TRAPPC9: variants seen among roughly 807,000 people sequenced by gnomAD.
TRAPPC9 encodes the protein trafficking protein particle complex subunit 9.
A neutral mutation model predicts 124.0 loss-of-function variants in TRAPPC9; 83 were observed. That is an observed-to-expected ratio of 0.67 (90% CI 0.56 to 0.80). The LOEUF (loss-of-function observed/expected upper bound fraction) is 0.80, where lower values mean the gene tolerates loss of function less well. Ranked by LOEUF, TRAPPC9 falls within the 30% of genes least tolerant of loss-of-function variation. The pLI is 0.00. For missense variants in TRAPPC9, 1,302 were observed against 1,508.3 expected, an observed-to-expected ratio of 0.86 and a Z score of 2.27; for synonymous variants, 638 against 617.5, an observed-to-expected ratio of 1.03 and a Z score of -0.49.
Position 140,401,679 on chromosome 8 carries a change from A to G in TRAPPC9, c.1008+3898T>C, listed in dbSNP as rs188024942. ...TGCTCTGTTGCCCAGGCTGGAGTGC[A>G]GTTGCTTGATCACAGCTCATCGTAG... On this transcript the variant is annotated intron_variant, in intron 6 of 22. Coordinates refer to ENST00000438773, the MANE Select transcript of TRAPPC9 (RefSeq NM_001160372.4). Among the ~76,000 whole-genome samples the G allele has an allele frequency of 3.1e-3, 465 of 152,200 alleles. 2 individuals are homozygous for G. Among genetic ancestry groups the G allele is most frequent in the African/African-American group, 0.011 (441 of 41,506 alleles).
At chr8:140,336,404 G>A (rs575271556) in intron 9 of TRAPPC9, among the ~76,000 whole-genome samples, 28 of 152,264 alleles carry the variant, frequency 1.8e-4, no homozygotes, top group African/African-American at 6.5e-4. Context: ...CAGCTGATGT[G>A]AACAGGGAGG....
chr8:140,442,759 A>G (rs2071067599), intron 2 of TRAPPC9, among the ~76,000 whole-genome samples: 1 of 152,074 alleles, frequency 6.6e-6, no homozygotes, highest in African/African-American at 2.4e-5. Flanking sequence ...CTGCTCAACA[A>G]CAACAGTTTG....
intron 7 of TRAPPC9, among the ~76,000 whole-genome samples, chr8:140,385,352 A>T (rs2068726827): frequency 6.6e-6 from 1 of 152,130 alleles, no homozygotes; most frequent in Non-Finnish European, 1.5e-5. Flanking sequence ...AGACACAAAA[A>T]ACCTTTAAAA....
At chr8:140,351,447 G>C (rs1052311004) in intron 9 of TRAPPC9, among the ~76,000 whole-genome samples, 1 of 151,744 alleles carries the variant, frequency 6.6e-6, no homozygotes, top group Non-Finnish European at 1.5e-5. Context: ...ATTGTATGAA[G>C]TGTTACAAGT....
chr8:140,434,873 GGGA>G (rs2070757508), intron 4 of TRAPPC9, among the ~76,000 whole-genome samples: 2 of 152,204 alleles, frequency 1.3e-5, no homozygotes, highest in South Asian at 4.1e-4. Flanking sequence ...AGGAGGCTGA[GGGA>G]GGAGAATTGC....
intron 11 of TRAPPC9, among the ~76,000 whole-genome samples, chr8:140,291,604 C>T (rs1421535499): frequency 6.6e-6 from 1 of 152,252 alleles, no homozygotes; most frequent in Non-Finnish European, 1.5e-5. Flanking sequence ...GGTGTGCATG[C>T]ACTATGTAAT....
chr8:140,170,395 A>C lies in TRAPPC9; in HGVS notation c.2556+51064T>G, dbSNP rs117329135. Among the ~76,000 whole-genome samples the C allele has an allele frequency of 3.8e-4, 58 of 152,364 alleles. No individual in the cohort carries two copies. In the East Asian group the frequency reaches 0.011, roughly 29 times the overall value. ...TCCAAAGGCTGCTCAGCCAATAAGC[A>C]AAAGAGCCCCAACAGGAAGCCAGGT... is the stretch of plus-strand genomic sequence containing the variant. On this transcript the variant is annotated intron_variant, in intron 17 of 22. Transcript: ENST00000438773.
At chr8:140,214,735 A>G (rs1349849103) in intron 17 of TRAPPC9, among the ~76,000 whole-genome samples, 1 of 152,160 alleles carries the variant, frequency 6.6e-6, no homozygotes, top group Non-Finnish European at 1.5e-5. Context: ...TCAACCCTAG[A>G]AGATTCCTCC....
intron 21 of TRAPPC9, among the ~76,000 whole-genome samples, chr8:139,839,744 C>T (rs1826606404): frequency 6.6e-6 from 1 of 152,126 alleles, no homozygotes; most frequent in Non-Finnish European, 1.5e-5. Context: ...CTGGGTGCTG[C>T]CTCCAAGTTC....
At chr8:140,192,906 T>C (rs1333658981) in intron 17 of TRAPPC9, among the ~76,000 whole-genome samples, 2 of 152,028 alleles carry the variant, frequency 1.3e-5, no homozygotes, top group Non-Finnish European at 2.9e-5. Context: ...GCCTCCTGAG[T>C]AGTTGGGATT....
intron 20 of TRAPPC9, among the ~76,000 whole-genome samples, chr8:139,899,649 G>C (rs988827920): frequency 6.6e-6 from 1 of 152,138 alleles, no homozygotes; most frequent in Non-Finnish European, 1.5e-5. Context: ...ACCCCCAAGA[G>C]AGAGGCCCCA....
chr8:140,046,446 C>CCCT (rs1307473870), intron 17 of TRAPPC9, among the ~76,000 whole-genome samples: 5 of 152,252 alleles, frequency 3.3e-5, no homozygotes, highest in Non-Finnish European at 5.9e-5. Context: ...CCGACTCCCT[C>CCCT]CCTTTCCTTG....
chr8:140,311,416 A>G lies in TRAPPC9; in HGVS notation c.1496-42T>C, dbSNP rs540377573. ...AACAAAATAAAGATGTATTAGGCAA[A>G]AGTCAAAGTGGCTGGCTTTCATTTT... On this transcript the variant is annotated intron_variant, in intron 9 of 22. Transcript: ENST00000438773. 1.1e-3 allele frequency: 1,798 copies of G among 1,607,880 alleles called. 29 individuals carry two copies. In the South Asian group the frequency reaches 0.018, roughly 16 times the overall value.
chr8:139,808,826 C>G (rs1824239717), intron 21 of TRAPPC9, among the ~76,000 whole-genome samples: 1 of 152,236 alleles, frequency 6.6e-6, no homozygotes, highest in Non-Finnish European at 1.5e-5. Context: ...TAGTATTCCA[C>G]TGTATGGATA....
chr8:140,304,307 C>A (rs2066064260), intron 10 of TRAPPC9, among the ~76,000 whole-genome samples: 1 of 152,096 alleles, frequency 6.6e-6, no homozygotes, highest in Non-Finnish European at 1.5e-5. Flanking sequence ...GTTGGCCAGG[C>A]CGGTCTCGAA....
intron 17 of TRAPPC9, among the ~76,000 whole-genome samples, chr8:140,194,236 T>A (rs541542545): frequency 6.6e-6 from 1 of 152,074 alleles, no homozygotes; most frequent in Non-Finnish European, 1.5e-5. Context: ...ACTCCTCCTA[T>A]CCAGTCTCTC....
chr8:140,456,728 T>G (rs2071678896), intron 1 of TRAPPC9: 1 of 924,246 alleles, frequency 1.1e-6, no homozygotes, highest in African/African-American at 1.8e-5. Flanking sequence ...TATGACTACC[T>G]TAGAAACACG....
chr8:140,289,593 C>CT (rs1449175948), intron 12 of TRAPPC9, among the ~76,000 whole-genome samples: 1 of 151,918 alleles, frequency 6.6e-6, no homozygotes, highest in East Asian at 1.9e-4. Context: ...CCATGTGGTG[C>CT]TTTTTATTTT....
rs546242238 is a variant in TRAPPC9 at position 140,247,562 on chromosome 8, T to TG, written c.2431+5214_2431+5215insC. On this transcript the variant is annotated intron_variant, in intron 16 of 22. Coordinates refer to ENST00000438773, the MANE Select transcript of TRAPPC9 (RefSeq NM_001160372.4). ...CCCATTCATGCAACAGTTTCAAGGG[T>TG]TTTTTTTTTTAATTACAGAAAGTTT... is the stretch of plus-strand genomic sequence containing the variant. Among the ~76,000 whole-genome samples the TG allele has an allele frequency of 3.0e-3, 431 of 142,140 alleles. 3 individuals carry two copies. The highest frequency in any genetic ancestry group is 0.011 in the African/African-American group (408 of 36,056). The allele number at this position is 142,140 out of a possible 152,430, so 93.2% of individuals were successfully genotyped here. A position where few individuals can be genotyped will look rare whatever the true frequency, so the allele number is the denominator to read the frequency against.
Sources: gnomAD v4.1 joint callset for allele counts (sites outside exome capture counted in the v4.1 genomes callset) on GRCh38, gnomAD v4.1.1 for gene constraint, MANE v1.5 for transcripts, NCBI Gene and HGNC (gene_info 2026-07-23, HGNC 2026-07-21) for gene names.